Variants in PITPNM2 observed in about 807,000 individuals in gnomAD.
PITPNM2 encodes the protein phosphatidylinositol transfer protein membrane associated 2.
In PITPNM2, 35 loss-of-function variants were observed where a neutral mutation model predicts 132.2. That is an observed-to-expected ratio of 0.26 (90% CI 0.20 to 0.35). PITPNM2 has a LOEUF of 0.35. Ranked by LOEUF, PITPNM2 falls within the 10% of genes least tolerant of loss-of-function variation. PITPNM2 has a pLI of 1.00. For missense variants in PITPNM2, 1,332 were observed against 1,912.0 expected (o/e 0.70, Z 5.66); for synonymous variants, 738 against 799.2 (o/e 0.92, Z 1.29).
rs148225598 is a variant in PITPNM2 at position 123,016,001 on chromosome 12, C to T, written c.79-1959G>A. 4.6e-5 allele frequency among the ~76,000 whole-genome samples: 7 copies of T among 152,262 alleles called. No homozygotes were observed. The East Asian group carries it at 1.4e-3, about 29-fold the overall frequency. ...CAATAAGCAATGAAAAGATGTTCAA[C>T]ATCACTATTCATTAGGAAAGTGCAA... On this transcript the variant is annotated intron_variant, in intron 3 of 25. Coordinates refer to ENST00000320201, the MANE Select transcript of PITPNM2 (RefSeq NM_020845.3).
chr12:122,996,399 C>G, intron 13 of PITPNM2, 59 bp downstream of exon 13: 1 of 1,599,150 alleles, frequency 6.3e-7, no homozygotes, highest in Non-Finnish European at 8.5e-7. Flanking sequence ...GGGCAGCCAC[C>G]CTGGGGGCGT....
chr12:123,000,224 C>T lies in PITPNM2; in HGVS notation c.1224+554G>A. 1 of 599,298 alleles carries T rather than the reference C, an allele frequency of 1.7e-6. No homozygotes were observed. The highest frequency in any genetic ancestry group is 3.0e-6 in the Non-Finnish European group (1 of 337,012). The allele number at this position is 599,298 out of a possible 1,614,324, so 37.1% of individuals were successfully genotyped here. ...CTCAGCCCTGGCTCCTGTCCCAGTGCAAACAGCTCTGACGGCCCGCAGGTG... is the reference window on the plus strand; with the variant it reads ...CTCAGCCCTGGCTCCTGTCCCAGTGTAAACAGCTCTGACGGCCCGCAGGTG... On this transcript the variant is annotated intron_variant, in intron 10 of 25. Coordinates refer to ENST00000320201, the MANE Select transcript of PITPNM2 (RefSeq NM_020845.3). The surrounding 1 kb of genome is among the most constrained non-coding windows in gnomAD (Gnocchi z 5.4).
intron 8 of PITPNM2, 127 bp from the exon 9 acceptor site, chr12:123,001,285 C>T: frequency 1.5e-6 from 1 of 679,612 alleles, no homozygotes; most frequent in African/African-American, 1.8e-5. Context: ...CACACAGCCC[C>T]ACACCTTGGG....
intron 2 of PITPNM2, among the ~76,000 whole-genome samples, chr12:123,067,734 C>T (rs2041473654): frequency 6.6e-6 from 1 of 152,156 alleles, no homozygotes; most frequent in South Asian, 2.1e-4. Flanking sequence ...CTGTTTAGGC[C>T]ATGCAGTTTG....
intron 2 of PITPNM2, among the ~76,000 whole-genome samples, chr12:123,049,054 AG>A (rs2040772587): frequency 1.3e-5 from 2 of 152,068 alleles, no homozygotes; most frequent in Admixed American, 1.3e-4. Context: ...GGATCTCTTG[AG>A]CCCAGGAGTT....
chr12:123,071,905 C>T (rs2041631365), intron 2 of PITPNM2, among the ~76,000 whole-genome samples: 1 of 152,304 alleles, frequency 6.6e-6, no homozygotes, highest in African/African-American at 2.4e-5. Flanking sequence ...CCTAGAGCAG[C>T]CCAGTCCCGA....
chr12:123,098,301 G>A (rs1307809097), intron 2 of PITPNM2, among the ~76,000 whole-genome samples: 1 of 152,174 alleles, frequency 6.6e-6, no homozygotes, highest in Non-Finnish European at 1.5e-5. Context: ...GGAAGAAGGT[G>A]CCAGATGTAA....
rs1248362741 is a variant in PITPNM2 at position 123,000,128 on chromosome 12, T to A, written c.1224+650A>T. Reference sequence around the variant, plus strand: ...GGGCCCGAGTTCCCCACAGAAGTGGTGCTGCCTCCACCTTAGGTAGCTTGA... The same window carrying A: ...GGGCCCGAGTTCCCCACAGAAGTGGAGCTGCCTCCACCTTAGGTAGCTTGA... On this transcript the variant is annotated intron_variant, in intron 10 of 25. Transcript: ENST00000320201. This position sits in a 1 kb window ranked among gnomAD's most constrained non-coding sequence, Gnocchi z 5.4. 2.6e-5 allele frequency among the ~76,000 whole-genome samples: 4 copies of A among 152,124 alleles called. No individual in the cohort carries two copies. The highest frequency in any genetic ancestry group is 5.9e-5 in the Non-Finnish European group (4 of 68,008).
intron 2 of PITPNM2, among the ~76,000 whole-genome samples, chr12:123,074,994 C>T (rs1436294743): frequency 3.3e-5 from 5 of 152,172 alleles, no homozygotes; most frequent in Admixed American, 3.3e-4. Context: ...AGAAGAATGC[C>T]AAATGGTAGG....
intron 5 of PITPNM2, among the ~76,000 whole-genome samples, 172 bp from the exon 6 acceptor site, chr12:123,010,249 A>G (rs1444443423): frequency 6.6e-6 from 1 of 152,142 alleles, no homozygotes; most frequent in Non-Finnish European, 1.5e-5. Flanking sequence ...AATCCCTGAC[A>G]GTGGGGCCTG....
intron 6 of PITPNM2, among the ~76,000 whole-genome samples, chr12:123,007,234 C>T (rs1427611715): frequency 3.3e-5 from 5 of 152,158 alleles, no homozygotes; most frequent in East Asian, 3.8e-4. Flanking sequence ...CATGGATGCA[C>T]GCGTGGGGGC....
At position 122,986,637 on chromosome 12, in the gene PITPNM2, G is replaced by A. The variant is rs562373224; in HGVS notation, c.3597+9C>T. The A allele has an allele frequency of 4.2e-5, 68 of 1,605,106 alleles. No individual in the cohort carries two copies. The highest frequency in any genetic ancestry group is 3.5e-4 in the South Asian group (32 of 90,848). The stretch of plus-strand genomic sequence containing the variant: ...CACCCCTGCCCTGCCCCATCCTCCC[G>A]GGCCCCACCTCGGAGATGAGCAGCT... On this transcript the variant is annotated intron_variant, in intron 24 of 25. Coordinates refer to ENST00000320201, the MANE Select transcript of PITPNM2 (RefSeq NM_020845.3).
At chr12:123,011,644 A>G (rs539987828) in intron 5 of PITPNM2, among the ~76,000 whole-genome samples, 1 of 152,206 alleles carries the variant, frequency 6.6e-6, no homozygotes. Context: ...TGGTGTTTTT[A>G]TAAGAAGAGG....
chr12:123,116,157 T>C (rs2042932761), intron 1 of PITPNM2, among the ~76,000 whole-genome samples: 1 of 152,188 alleles, frequency 6.6e-6, no homozygotes, highest in Non-Finnish European at 1.5e-5. Flanking sequence ...AGTAACACTG[T>C]GCCAGGTTTG....
At chr12:123,034,025 C>T (rs1344838596) in intron 3 of PITPNM2, among the ~76,000 whole-genome samples, 1 of 152,214 alleles carries the variant, frequency 6.6e-6, no homozygotes, top group Non-Finnish European at 1.5e-5. Flanking sequence ...TGCTCACTCT[C>T]TGCCATGTTA....
chr12:123,098,810 C>T (rs2042477706), intron 2 of PITPNM2, among the ~76,000 whole-genome samples: 1 of 152,140 alleles, frequency 6.6e-6, no homozygotes, highest in Non-Finnish European at 1.5e-5. Flanking sequence ...GGCCGGCTTC[C>T]TTCCCAGCCC....
intron 2 of PITPNM2, chr12:123,091,547 T>C (rs545834978): frequency 5.9e-5 from 9 of 152,300 alleles, no homozygotes; most frequent in African/African-American, 1.7e-4. Context: ...GTGAGGGTCA[T>C]GGAATTGAGA....
In PITPNM2 at chr12:123,013,707, G is replaced by C; in HGVS notation, c.293+121C>G. On this transcript the variant is annotated intron_variant, in intron 4 of 25. Coordinates refer to ENST00000320201, the MANE Select transcript of PITPNM2 (RefSeq NM_020845.3). ...ATGGAACAAAGCCTGGGTTCCCTGG[G>C]GTTATGGGTTGTTGAACCTGCTTGA... 4 of 1,150,618 alleles carry C rather than the reference G, an allele frequency of 3.5e-6. No individual in the cohort carries two copies. In the East Asian group the frequency reaches 1.0e-4, roughly 29 times the overall value. 71.3% of individuals were successfully genotyped at this position (1,150,618 alleles called of 1,614,324 possible). A position where few individuals can be genotyped will look rare whatever the true frequency, so the allele number is the denominator to read the frequency against.
At chr12:122,991,655 G>A (rs1226202881) in intron 16 of PITPNM2, 21 of 1,208,220 alleles carry the variant, frequency 1.7e-5, no homozygotes, top group Middle Eastern at 3.1e-4. Flanking sequence ...CAGGTCCCAC[G>A]AACTGTGAGT....
Sources: gnomAD v4.1 joint callset for allele counts (sites outside exome capture counted in the v4.1 genomes callset) on GRCh38, gnomAD v4.1.1 for gene constraint, Gnocchi (gnomAD v3.1) non-coding constraint, MANE v1.5 for transcripts, NCBI Gene and HGNC (gene_info 2026-07-23, HGNC 2026-07-21) for gene names.